The following ADK variants were observed in gnomAD, a reference collection of about 807,000 sequenced individuals.
ADK encodes adenosine kinase, also known as N6,N6-dimethyladenosine kinase.
ADK carries 24 observed loss-of-function variants against 44.7 expected under a neutral mutation model. That is an observed-to-expected ratio of 0.54 (90% confidence interval 0.39 to 0.76). The LOEUF (loss-of-function observed/expected upper bound fraction) is 0.76, where lower values mean the gene tolerates loss of function less well. Ranked by LOEUF, ADK falls within the 30% of genes least tolerant of loss-of-function variation. The pLI is 0.00. For missense variants in ADK, 321 were observed against 425.1 expected (o/e 0.76, Z 2.15); for synonymous variants, 128 against 142.6 (o/e 0.90, Z 0.73).
chr10:74,323,271 T>C (rs1055594480), intron 4 of ADK, among the ~76,000 whole-genome samples: 4 of 152,216 alleles, frequency 2.6e-5, no homozygotes, highest in African/African-American at 9.6e-5. Context: ...ACTCAGACTT[T>C]TCTGAAAGAG....
At chr10:74,563,706 A>G (rs1412634147) in intron 7 of ADK, among the ~76,000 whole-genome samples, 1 of 152,230 alleles carries the variant, frequency 6.6e-6, no homozygotes, top group Non-Finnish European at 1.5e-5. Flanking sequence ...ATGTCTAAAT[A>G]TGGCAAGTTG....
At chr10:74,208,160 G>A (rs1232499636) in intron 2 of ADK, among the ~76,000 whole-genome samples, 1 of 152,244 alleles carries the variant, frequency 6.6e-6, no homozygotes. Context: ...TTCTGAGTCT[G>A]CAGGGGAAAG....
intron 7 of ADK, among the ~76,000 whole-genome samples, chr10:74,584,261 A>G (rs1343072448): frequency 1.3e-5 from 2 of 152,232 alleles, no homozygotes; most frequent in African/African-American, 4.8e-5. Context: ...CTTGAATTCA[A>G]TAGGCAAAAT....
rs57627124 is a variant in ADK at position 74,406,526 on chromosome 10, TAAGAAGAAGAAGAAG to T, written c.555+7975_555+7989del. Among the ~76,000 whole-genome samples the T allele has an allele frequency of 3.3e-3, 443 of 136,110 alleles. 3 individuals carry two copies. Among genetic ancestry groups the T allele is most frequent in the African/African-American group, 8.8e-3 (321 of 36,382 alleles). The allele number at this position is 136,110 out of a possible 152,430, so 89.3% of individuals were successfully genotyped here. A position where few individuals can be genotyped will look rare whatever the true frequency, so the allele number is the denominator to read the frequency against. ...ATTAAAATAATAATAATAATAATAA[TAAGAAGAAGAAGAAG>T]AAGAAGAAGAAGAAGAAGAAGAAGA... is the stretch of plus-strand genomic sequence containing the variant. On this transcript the variant is annotated intron_variant, in intron 6 of 10. Transcript: ENST00000539909.
At chr10:74,629,804 T>A (rs1052380584) in intron 9 of ADK, among the ~76,000 whole-genome samples, 12 of 152,312 alleles carry the variant, frequency 7.9e-5, no homozygotes, top group African/African-American at 2.9e-4. Flanking sequence ...AATGAAATTT[T>A]GATGCAAAAT....
At chr10:74,433,141 A>G (rs1331965874) in intron 6 of ADK, among the ~76,000 whole-genome samples, 1 of 152,210 alleles carries the variant, frequency 6.6e-6, no homozygotes, top group Admixed American at 6.5e-5. Context: ...TGGATCATCC[A>G]TAAGTGTTTA....
In ADK at chr10:74,623,653, T is replaced by C. The variant is rs146077945; in HGVS notation, c.877+23160T>C. Among the ~76,000 whole-genome samples the C allele has an allele frequency of 5.9e-4, 90 of 151,794 alleles. 2 individuals are homozygous for C. The East Asian group carries it at 0.016, about 27-fold the overall frequency. ...TGGATATCTAGATGATAGTGACATT[T>C]ACCTACACATTTATAGATTTTATTT... is the stretch of plus-strand genomic sequence containing the variant. On this transcript the variant is annotated intron_variant, in intron 9 of 10. Coordinates refer to ENST00000539909, the MANE Select transcript of ADK (RefSeq NM_006721.4).
At chr10:74,608,170 T>A (rs955699223) in intron 9 of ADK, among the ~76,000 whole-genome samples, 1 of 152,044 alleles carries the variant, frequency 6.6e-6, no homozygotes, top group Non-Finnish European at 1.5e-5. Flanking sequence ...TGCATTGGGT[T>A]AGAACATGGT....
At chr10:74,480,226 C>CTTTCTT (rs1554865927) in intron 6 of ADK, among the ~76,000 whole-genome samples, 19 of 133,122 alleles carry the variant, frequency 1.4e-4, no homozygotes, top group African/African-American at 6.2e-4. Flanking sequence ...TTCTTTCTTT[C>CTTTCTT]TTTTTTTTTT....
At chr10:74,211,909 T>C (rs895150055) in intron 2 of ADK, among the ~76,000 whole-genome samples, 38 of 152,220 alleles carry the variant, frequency 2.5e-4, no homozygotes, top group African/African-American at 9.2e-4. Context: ...GATATATTTT[T>C]CTACAACATA....
chr10:74,248,824 C>A (rs962972702), intron 3 of ADK, among the ~76,000 whole-genome samples: 1 of 152,134 alleles, frequency 6.6e-6, no homozygotes, highest in East Asian at 1.9e-4. Context: ...ATCAATTCTC[C>A]TTGAAGGAGG....
intron 7 of ADK, among the ~76,000 whole-genome samples, chr10:74,540,538 C>A (rs2133723259): frequency 6.6e-6 from 1 of 152,168 alleles, no homozygotes; most frequent in African/African-American, 2.4e-5. Flanking sequence ...CGGCTCACTG[C>A]AAACTCCACC....
chr10:74,435,620 C>T (rs1845155897), intron 6 of ADK, among the ~76,000 whole-genome samples: 1 of 152,088 alleles, frequency 6.6e-6, no homozygotes, highest in African/African-American at 2.4e-5. Flanking sequence ...GAGATGCACA[C>T]CTGGCCTCAT....
intron 2 of ADK, among the ~76,000 whole-genome samples, chr10:74,215,773 C>G (rs1240770914): frequency 6.7e-6 from 1 of 149,950 alleles, no homozygotes; most frequent in Non-Finnish European, 1.5e-5. Flanking sequence ...TCACCCCATT[C>G]TCCTGCCTCA....
chr10:74,574,483 C>T (rs930814052), intron 7 of ADK, among the ~76,000 whole-genome samples: 2 of 152,132 alleles, frequency 1.3e-5, no homozygotes, highest in African/African-American at 4.8e-5. Flanking sequence ...TTGCTACTTT[C>T]ATAGCAAAAC....
At chr10:74,177,945 A>ATATATATATATTTT (rs10693309) in intron 1 of ADK, among the ~76,000 whole-genome samples, 24 of 109,004 alleles carry the variant, frequency 2.2e-4, no homozygotes, top group Non-Finnish European at 4.1e-4. Flanking sequence ...ATATATATAT[A>ATATATATATATTTT]TTTTTTTTTT....
rs1345724838 is a variant in ADK, at chr10:74,314,885, C to T, written c.273+140C>T. 37 of 659,538 alleles carry T rather than the reference C, an allele frequency of 5.6e-5. No individual in the cohort carries two copies. The Admixed American group carries it at 9.4e-4, about 17-fold the overall frequency. 40.9% of individuals were successfully genotyped at this position (659,538 alleles called of 1,614,324 possible). On this transcript the variant is annotated intron_variant, in intron 4 of 10. Coordinates refer to ENST00000539909, the MANE Select transcript of ADK (RefSeq NM_006721.4). ...AATTGGGATTTTAGTAGTCATTGCA[C>T]ATCTAATCAAAAGTTATTTTAATTG...
At chr10:74,462,479 C>G (rs1260967134) in intron 6 of ADK, among the ~76,000 whole-genome samples, 1 of 152,058 alleles carries the variant, frequency 6.6e-6, no homozygotes, top group Non-Finnish European at 1.5e-5. Context: ...GCCACATTTT[C>G]TCCTAGAACT....
intron 9 of ADK, among the ~76,000 whole-genome samples, chr10:74,610,821 C>G (rs1055719131): frequency 6.6e-6 from 1 of 151,764 alleles, no homozygotes; most frequent in African/African-American, 2.4e-5. Context: ...ACAATAAAAC[C>G]TTATTATATT....
Sources: gnomAD v4.1 joint callset for allele counts (sites outside exome capture counted in the v4.1 genomes callset) on GRCh38, gnomAD v4.1.1 for gene constraint, MANE v1.5 for transcripts, NCBI Gene and HGNC (gene_info 2026-07-23, HGNC 2026-07-21) for gene names.